Variants in INPP5K observed in about 807,000 individuals in gnomAD.
The protein encoded by INPP5K is inositol polyphosphate-5-phosphatase K.
INPP5K carries 35 observed loss-of-function variants against 53.5 expected under a neutral mutation model. That is an observed-to-expected ratio of 0.65 (90% CI 0.50 to 0.87). The LOEUF (loss-of-function observed/expected upper bound fraction) is 0.87. Among genes scored for constraint, INPP5K ranks in the 40% least tolerant of loss-of-function variants. The probability of loss-of-function intolerance (pLI) is 0.00; values close to 1 mark genes in which losing one functional copy is unlikely to be tolerated. For synonymous variants in INPP5K, 253 were observed against 232.8 expected, an observed-to-expected ratio of 1.09 and a Z score of -0.79; for missense variants, 550 against 586.2, an observed-to-expected ratio of 0.94 and a Z score of 0.64.
At chr17:1,514,114 G>A (rs149474359) in intron 1 of INPP5K, 135 bp from the exon 2 acceptor site, 1 of 483,750 alleles carries the variant, frequency 2.1e-6, no homozygotes, top group African/African-American at 2.0e-5. Context: ...CCTGAGGTCG[G>A]GAGTTCGAGA....
rs764568754 is a variant in INPP5K at position 1,497,915 on chromosome 17, T to C, written c.963+21A>G. On this transcript the variant is annotated intron_variant, in intron 8 of 11. Transcript: ENST00000421807. Reference sequence around the variant, plus strand: ...AGCATAGCTATTCCTCTGGCAAGTATCAGGCAGCCCAGAAGTTCACCTCCA... The same window carrying C: ...AGCATAGCTATTCCTCTGGCAAGTACCAGGCAGCCCAGAAGTTCACCTCCA... 6 of 1,602,678 alleles carry C rather than the reference T, an allele frequency of 3.7e-6. No homozygotes were observed. The South Asian group carries it at 6.7e-5, about 18-fold the overall frequency.
At chr17:1,498,277 A>C (rs1298035202) in intron 7 of INPP5K, 155 bp from the exon 8 acceptor site, 16 of 589,460 alleles carry the variant, frequency 2.7e-5, no homozygotes, top group Non-Finnish European at 4.4e-5. Flanking sequence ...GGAGCAAGGC[A>C]GCAGGCAGGA....
At chr17:1,513,821 GGGAAACCTGGGACT>G in intron 2 of INPP5K, 37 bp downstream of exon 2, 1 of 1,414,934 alleles carries the variant, frequency 7.1e-7, no homozygotes, top group Non-Finnish European at 9.9e-7. Context: ...GCTTCCCACA[GGGAAACCTGGGACT>G]GGTCAGGGAT....
At chr17:1,505,923 G>A (rs1278378771) in intron 7 of INPP5K, among the ~76,000 whole-genome samples, 1 of 152,226 alleles carries the variant, frequency 6.6e-6, no homozygotes, top group Non-Finnish European at 1.5e-5. Flanking sequence ...GGGACATGTT[G>A]CCAGTGGTTC....
intron 7 of INPP5K, among the ~76,000 whole-genome samples, chr17:1,503,276 T>C (rs1165481541): frequency 2.0e-5 from 3 of 149,540 alleles, no homozygotes; most frequent in African/African-American, 7.4e-5. Context: ...CTCCGCCTCC[T>C]GGGTTCACGC....
intron 7 of INPP5K, among the ~76,000 whole-genome samples, chr17:1,501,548 C>A (rs969553067): frequency 3.8e-4 from 58 of 152,318 alleles, no homozygotes; most frequent in African/African-American, 1.1e-3. Flanking sequence ...GGGGTGGTCA[C>A]GAAGCGGTAA....
intron 7 of INPP5K, among the ~76,000 whole-genome samples, chr17:1,505,374 C>G (rs952688848): frequency 4.6e-5 from 7 of 152,294 alleles, no homozygotes; most frequent in Admixed American, 3.3e-4. Flanking sequence ...ACCCCCTCCC[C>G]ACCCAAGGCC....
rs2075263901 is a variant in INPP5K at position 1,509,783 on chromosome 17, A to G, written c.278T>C (p.Met93Thr). The G allele has an allele frequency of 1.4e-5, 22 of 1,610,904 alleles. No homozygotes were observed. Among genetic ancestry groups the G allele is most frequent in the Non-Finnish European group, 1.8e-5 (21 of 1,177,338 alleles). The change falls in exon 4 of 12, where the codon ATG (methionine) becomes ACG (threonine). Residue 93 changes from methionine (M) to threonine (T), a missense_variant. Transcript: ENST00000421807. ...LSFIKVSHVRMQGILLLVFAK... is the reference protein window; with the variant it reads ...LSFIKVSHVRTQGILLLVFAK... ...AAAGACCAGTAAGAGGATCCCCTGC[A>G]TACGGACATGGGAGACCTGCAGGAG...
Position 1,509,307 on chromosome 17 carries a change from T to C in INPP5K, c.425A>G (p.Tyr142Cys). ...VNICLKLYGY[Y>C]VSIINCHLPP... ...CAGGTGGCAGTTGATGATGCTGACATAGTAGCCATAAAGCTTCAGGCAGAT... is the reference window on the plus strand; with the variant it reads ...CAGGTGGCAGTTGATGATGCTGACACAGTAGCCATAAAGCTTCAGGCAGAT... Residue 142 changes from tyrosine to cysteine, a missense_variant, in exon 5 of 12, where the codon TAT becomes TGT. Transcript: ENST00000421807. 1.2e-6 allele frequency: 2 copies of C among 1,614,026 alleles called. No homozygotes were observed. Among genetic ancestry groups the C allele is most frequent in the East Asian group, 2.2e-5 (1 of 44,880 alleles).
chr17:1,495,744 C>A lies in INPP5K; in HGVS notation c.*79G>T. 1.9e-6 allele frequency: 2 copies of A among 1,037,144 alleles called. No homozygotes were observed. Among genetic ancestry groups the A allele is most frequent in the Admixed American group, 4.2e-5 (2 of 47,460 alleles). 64.2% of individuals were successfully genotyped at this position (1,037,144 alleles called of 1,614,324 possible). On this transcript the variant is annotated 3_prime_UTR_variant, in exon 12 of 12. Coordinates refer to ENST00000421807, the MANE Select transcript of INPP5K (RefSeq NM_016532.4). Reference sequence around the variant, plus strand: ...TGTCTCTTCAGGGGGCCAGGCTGGGCCCCCAGCACTCCCGGCAGTGGAAAG... The same window carrying A: ...TGTCTCTTCAGGGGGCCAGGCTGGGACCCCAGCACTCCCGGCAGTGGAAAG...
In INPP5K at chr17:1,495,400, T is replaced by C. The variant is rs1015614982; in HGVS notation, c.*423A>G. ...ATCCAGCACTGCTTGCACCAGTCTA[T>C]GTAGCCTGTACAAATGTGAGCATCT... On this transcript the variant is annotated 3_prime_UTR_variant, in exon 12 of 12. Coordinates refer to ENST00000421807, the MANE Select transcript of INPP5K (RefSeq NM_016532.4). 6.4e-5 allele frequency: 12 copies of C among 187,706 alleles called. No homozygotes were observed. The highest frequency in any genetic ancestry group is 1.7e-4 in the Admixed American group (3 of 17,488). 11.6% of individuals were successfully genotyped at this position (187,706 alleles called of 1,614,324 possible).
rs1209247097 is a variant in INPP5K, at chr17:1,498,034, G to C, written c.865C>G (p.Pro289Ala). ...AGAGACAAGGAGAAGTGTGACGCCG[G>C]CGGTATGGGAGTGTCGGGGCCAGCA... is the stretch of plus-strand genomic sequence containing the variant. Reference protein sequence around the residue: ...PCAGPDTPIPPASHFSLSLRG... With the variant: ...PCAGPDTPIPAASHFSLSLRG... The change falls in exon 8 of 12, where the codon CCG becomes GCG. Residue 289 changes from proline (P) to alanine (A), a missense_variant. Physicochemically the swap from Pro to Ala is conservative, Grantham distance 27 (BLOSUM62 -1). Transcript: ENST00000421807. 6.2e-7 allele frequency: 1 copy of C among 1,614,182 alleles called. No homozygotes were observed. The highest frequency in any genetic ancestry group is 1.1e-5 in the South Asian group (1 of 91,080).
At position 1,509,252 on chromosome 17, in the gene INPP5K, C is replaced by T; in HGVS notation, c.480G>A (p.Arg160=). 4 of 1,614,090 alleles carry T rather than the reference C, an allele frequency of 2.5e-6. No homozygotes were observed. The highest frequency in any genetic ancestry group is 3.4e-6 in the Non-Finnish European group (4 of 1,180,010). ...LPPHISNNYQ[R]LEHFDRILEM... is the part of the protein sequence containing the mutation. The stretch of plus-strand genomic sequence containing the variant: ...CCAGGATCCGGTCAAAGTGCTCCAG[C>T]CGCTGGTAATTGTTGGAAATGTGGG... The change falls in exon 5 of 12, where the codon CGG becomes CGA. Residue 160 remains arginine, a synonymous_variant. Transcript: ENST00000421807.
chr17:1,504,585 A>G (rs1390772144), intron 7 of INPP5K, among the ~76,000 whole-genome samples: 2 of 152,236 alleles, frequency 1.3e-5, no homozygotes, highest in East Asian at 1.9e-4. Context: ...ACAGACACAG[A>G]TATGAGTTCC....
intron 4 of INPP5K, 84 bp from the exon 5 acceptor site, chr17:1,509,437 C>T: frequency 7.6e-7 from 1 of 1,317,398 alleles, no homozygotes; most frequent in Non-Finnish European, 1.1e-6. Flanking sequence ...TGAGGGCAGA[C>T]AGTCTCACTT....
chr17:1,514,168 C>G (rs1277976633), intron 1 of INPP5K, among the ~76,000 whole-genome samples, 189 bp from the exon 2 acceptor site: 1 of 151,968 alleles, frequency 6.6e-6, no homozygotes, highest in African/African-American at 2.4e-5. Context: ...ACTAAAAGTA[C>G]AAAAATTAGC....
chr17:1,496,615 G>C (rs1567545587), intron 9 of INPP5K, 51 bp downstream of exon 9: 1 of 1,606,860 alleles, frequency 6.2e-7, no homozygotes, highest in East Asian at 2.2e-5. Context: ...CCTCGGGAAG[G>C]ATGAACCAGG....
intron 7 of INPP5K, among the ~76,000 whole-genome samples, chr17:1,500,555 C>A (rs530053209): frequency 1.2e-3 from 176 of 152,146 alleles, no homozygotes; most frequent in African/African-American, 4.0e-3. Context: ...TTAGTAGAGA[C>A]GGGGTTTCAC....
chr17:1,497,807 A>G, intron 8 of INPP5K, 129 bp downstream of exon 8: 1 of 794,630 alleles, frequency 1.3e-6, no homozygotes, highest in Non-Finnish European at 2.0e-6. Flanking sequence ...CCTGGCAGGA[A>G]AGGCAATCAT....
Sources: gnomAD v4.1 joint callset for allele counts (sites outside exome capture counted in the v4.1 genomes callset) on GRCh38, gnomAD v4.1.1 for gene constraint, MANE v1.5 for transcripts, NCBI Gene and HGNC (gene_info 2026-07-23, HGNC 2026-07-21) for gene names.